The following FBXW7 variants were observed in gnomAD, a reference collection of about 807,000 sequenced individuals.
FBXW7 encodes F-box/WD repeat-containing protein 7.
FBXW7 carries 11 observed loss-of-function variants against 86.3 expected under a neutral mutation model. The observed-to-expected ratio is 0.13, with a 90% CI of 0.08 to 0.21. The LOEUF is 0.21. Among genes scored for constraint, FBXW7 ranks in the 10% least tolerant of loss-of-function variants. FBXW7 has a pLI of 1.00. For synonymous variants in FBXW7, 313 were observed against 297.9 expected (o/e 1.05, Z -0.52); for missense variants, 488 against 847.4 (o/e 0.58, Z 5.27).
intron 4 of FBXW7, among the ~76,000 whole-genome samples, chr4:152,373,127 T>C (rs896773541): frequency 1.3e-5 from 2 of 152,042 alleles, no homozygotes; most frequent in Non-Finnish European, 2.9e-5. Context: ...GCAGTGGCTG[T>C]GATGCTGGAA....
At chr4:152,406,214 C>T (rs1170938993) in intron 4 of FBXW7, among the ~76,000 whole-genome samples, 1 of 152,132 alleles carries the variant, frequency 6.6e-6, no homozygotes, top group Non-Finnish European at 1.5e-5. Flanking sequence ...GTATAAAGAA[C>T]TAATCAATGG....
intron 2 of FBXW7, among the ~76,000 whole-genome samples, chr4:152,505,743 A>AT (rs763132391): frequency 0.053 from 7,500 of 141,938 alleles, 271 homozygotes; most frequent in East Asian, 0.093. Context: ...CTGTTTTGCA[A>AT]TTTTTTTTTT....
At chr4:152,421,863 TA>T (rs1255621478) in intron 2 of FBXW7, among the ~76,000 whole-genome samples, 2 of 152,192 alleles carry the variant, frequency 1.3e-5, no homozygotes, top group Non-Finnish European at 1.5e-5. Context: ...TGCCATCTTT[TA>T]TTCTTCTATG....
chr4:152,387,492 A>G (rs544458314), intron 4 of FBXW7, among the ~76,000 whole-genome samples: 1 of 152,140 alleles, frequency 6.6e-6, no homozygotes, highest in African/African-American at 2.4e-5. Flanking sequence ...TCACAAATGA[A>G]CGCAATTCAT....
intron 2 of FBXW7, among the ~76,000 whole-genome samples, chr4:152,441,704 C>T (rs573630504): frequency 1.3e-5 from 2 of 152,000 alleles, no homozygotes; most frequent in Non-Finnish European, 2.9e-5. Context: ...GCTGGTTATG[C>T]CAAATTATAT....
At chr4:152,388,582 C>G (rs1165642731) in intron 4 of FBXW7, among the ~76,000 whole-genome samples, 2 of 152,144 alleles carry the variant, frequency 1.3e-5, no homozygotes, top group African/African-American at 4.8e-5. Flanking sequence ...AAGTAAAACA[C>G]AGAAAACCAA....
At chr4:152,485,316 T>C (rs1234623927) in intron 2 of FBXW7, among the ~76,000 whole-genome samples, 1 of 152,080 alleles carries the variant, frequency 6.6e-6, no homozygotes, top group African/African-American at 2.4e-5. Context: ...AAAATAACTA[T>C]AAGCATAGCG....
chr4:152,421,545 T>G (rs559679051), intron 2 of FBXW7, among the ~76,000 whole-genome samples: 6 of 152,170 alleles, frequency 3.9e-5, no homozygotes, highest in Admixed American at 2.6e-4. Context: ...TTTTTAAACA[T>G]ACGAAAAAGT....
intron 2 of FBXW7, among the ~76,000 whole-genome samples, chr4:152,460,083 G>A (rs1742801858): frequency 6.6e-6 from 1 of 152,178 alleles, no homozygotes; most frequent in Non-Finnish European, 1.5e-5. Context: ...ACAACACTGT[G>A]AATGCAACTG....
chr4:152,436,303 C>CTA (rs1740376620), intron 2 of FBXW7, among the ~76,000 whole-genome samples: 3 of 152,148 alleles, frequency 2.0e-5, no homozygotes, highest in Non-Finnish European at 4.4e-5. Context: ...TTTCCTTAGA[C>CTA]CAAAGCTTTA....
chr4:152,376,702 T>C (rs1734555209), intron 4 of FBXW7, among the ~76,000 whole-genome samples: 1 of 152,132 alleles, frequency 6.6e-6, no homozygotes, highest in Non-Finnish European at 1.5e-5. Context: ...GTGTTTTTTT[T>C]TGGTCATAAT....
In FBXW7 at chr4:152,411,644, C is replaced by T. The variant is rs2126880993; in HGVS notation, c.160G>A (p.Ala54Thr). The change falls in exon 4 of 14, where the codon GCA (alanine) becomes ACA (threonine). Residue 54 changes from alanine to threonine, a missense_variant. Ala to Thr is a moderately conservative substitution (Grantham distance 58, BLOSUM62 0). Coordinates refer to ENST00000281708, the MANE Select transcript of FBXW7 (RefSeq NM_001349798.2). ...ACTCCAACAACTTCACCATTCCTTG[C>T]AGTGTGCTCCTCCTCTTGTTGTCTG... ...QLRQQEEEHT[A>T]RNGEVVGVEP... is the part of the protein sequence containing the mutation. 1 of 1,613,972 alleles carries T rather than the reference C, an allele frequency of 6.2e-7. No individual in the cohort carries two copies. The highest frequency in any genetic ancestry group is 8.5e-7 in the Non-Finnish European group (1 of 1,179,912).
At chr4:152,323,862 T>A (rs77604219) in intron 13 of FBXW7, 3,042 of 205,592 alleles carry the variant, frequency 0.015, 56 homozygotes, top group African/African-American at 0.041. Flanking sequence ...CAAAATGCAA[T>A]GGTCAATCAA....
chr4:152,449,843 G>T (rs544175365), intron 2 of FBXW7, among the ~76,000 whole-genome samples: 1 of 152,098 alleles, frequency 6.6e-6, no homozygotes, highest in Non-Finnish European at 1.5e-5. Context: ...AGGGAGGGTC[G>T]CATTAATACA....
chr4:152,355,320 T>C (rs1455566608), intron 4 of FBXW7, among the ~76,000 whole-genome samples: 1 of 152,100 alleles, frequency 6.6e-6, no homozygotes, highest in Non-Finnish European at 1.5e-5. Flanking sequence ...TTATCTATCT[T>C]ATCTCTGTGA....
intron 6 of FBXW7, among the ~76,000 whole-genome samples, chr4:152,346,052 A>G (rs138319458): frequency 2.4e-4 from 37 of 152,248 alleles, no homozygotes; most frequent in African/African-American, 7.5e-4. Context: ...TAAGTACTTA[A>G]TCCTTGCCAT....
At chr4:152,495,062 C>A (rs1308828550) in intron 2 of FBXW7, among the ~76,000 whole-genome samples, 1 of 152,088 alleles carries the variant, frequency 6.6e-6, no homozygotes, top group South Asian at 2.1e-4. Context: ...GCTATACTTC[C>A]AGTCCTAACA....
chr4:152,429,303 A>C (rs918626565), intron 2 of FBXW7, among the ~76,000 whole-genome samples: 4 of 151,458 alleles, frequency 2.6e-5, no homozygotes, highest in Non-Finnish European at 4.4e-5. Flanking sequence ...TTTAGTCCTG[A>C]AGCAGTCTAG....
intron 4 of FBXW7, among the ~76,000 whole-genome samples, chr4:152,358,864 T>TA (rs1479895176): frequency 5.3e-5 from 8 of 152,154 alleles, no homozygotes. Context: ...GGTACAGAAT[T>TA]AAGTGTCTTG....
Sources: allele counts gnomAD v4.1 joint callset (sites outside exome capture counted in the v4.1 genomes callset), GRCh38; gene constraint gnomAD v4.1.1; transcripts MANE v1.5; gene names NCBI Gene and HGNC (gene_info 2026-07-23, HGNC 2026-07-21).